ACTR3: variants seen among roughly 807,000 people sequenced by gnomAD.
The protein encoded by ACTR3 is actin-related protein 3.
A neutral mutation model predicts 56.8 loss-of-function variants in ACTR3; 12 were observed. The ratio of observed to expected loss-of-function variants is 0.21; its 90% CI spans 0.14 to 0.34. The LOEUF (loss-of-function observed/expected upper bound fraction) is 0.34, where lower values mean the gene tolerates loss of function less well. Ranked by LOEUF, ACTR3 falls within the 10% of genes least tolerant of loss-of-function variation. The probability of loss-of-function intolerance (pLI) is 1.00; values close to 1 mark genes in which losing one functional copy is unlikely to be tolerated. For synonymous variants in ACTR3, 162 were observed against 167.4 expected, an observed-to-expected ratio of 0.97 and a Z score of 0.25; for missense variants, 282 against 512.5, an observed-to-expected ratio of 0.55 and a Z score of 4.34.
intron 1 of ACTR3, among the ~76,000 whole-genome samples, chr2:113,897,088 TAGAC>T (rs912742226): frequency 8.5e-5 from 13 of 152,308 alleles, no homozygotes; most frequent in African/African-American, 2.9e-4. Flanking sequence ...TAATCAGTGA[TAGAC>T]AGTAGCATAA....
At chr2:113,947,992 C>T (rs1245160829) in intron 8 of ACTR3, among the ~76,000 whole-genome samples, 2 of 152,074 alleles carry the variant, frequency 1.3e-5, no homozygotes, top group East Asian at 3.9e-4. Flanking sequence ...AAGTCTTGGT[C>T]TGCGTATCCT....
At chr2:113,923,586 C>T (rs552686141) in intron 3 of ACTR3, among the ~76,000 whole-genome samples, 2 of 152,214 alleles carry the variant, frequency 1.3e-5, no homozygotes, top group African/African-American at 2.4e-5. Flanking sequence ...CTGCCTGCCT[C>T]GGCCTCCCAA....
At chr2:113,949,610 G>A (rs1680085288) in intron 8 of ACTR3, among the ~76,000 whole-genome samples, 1 of 152,010 alleles carries the variant, frequency 6.6e-6, no homozygotes, top group Non-Finnish European at 1.5e-5. Flanking sequence ...CACCCAGGCT[G>A]GAGTGCAGTG....
intron 1 of ACTR3, among the ~76,000 whole-genome samples, chr2:113,909,214 CTGT>C (rs1679257852): frequency 3.3e-5 from 5 of 152,048 alleles, no homozygotes; most frequent in African/African-American, 1.2e-4. Flanking sequence ...CAATTGGATA[CTGT>C]ATGCATTTAT....
intron 1 of ACTR3, among the ~76,000 whole-genome samples, chr2:113,912,797 A>AT (rs1377471580): frequency 1.3e-5 from 2 of 152,154 alleles, no homozygotes; most frequent in East Asian, 1.9e-4. Flanking sequence ...TCCTCATTCT[A>AT]TTTTTTGTAG....
chr2:113,907,971 TCC>T (rs34989911), intron 1 of ACTR3, among the ~76,000 whole-genome samples: 9 of 69,278 alleles, frequency 1.3e-4, no homozygotes, highest in African/African-American at 4.8e-4. Flanking sequence ...CAAAACTCTG[TCC>T]CCCAAAAAAA....
At chr2:113,940,725 C>A (rs1354221975) in intron 7 of ACTR3, among the ~76,000 whole-genome samples, 1 of 150,148 alleles carries the variant, frequency 6.7e-6, no homozygotes, top group Non-Finnish European at 1.5e-5. Flanking sequence ...GCAGAACTGC[C>A]ATGGCAAAAG....
chr2:113,929,196 G>A (rs1442369294), intron 4 of ACTR3, among the ~76,000 whole-genome samples: 1 of 151,440 alleles, frequency 6.6e-6, no homozygotes, highest in Admixed American at 6.6e-5. Flanking sequence ...AGGCTGGAAT[G>A]CAGTGGATCA....
intron 2 of ACTR3, 96 bp from the exon 3 acceptor site, chr2:113,916,788 T>C: frequency 9.6e-7 from 1 of 1,038,670 alleles, no homozygotes; most frequent in Non-Finnish European, 1.3e-6. Context: ...AGGTCATGTT[T>C]TACTTTGTAG....
chr2:113,916,643 A>G (rs1679410104), intron 2 of ACTR3, among the ~76,000 whole-genome samples: 1 of 152,144 alleles, frequency 6.6e-6, no homozygotes, highest in Non-Finnish European at 1.5e-5. Flanking sequence ...AAACTTTCCC[A>G]CAGATGTTGT....
chr2:113,951,859 A>G lies in ACTR3; in HGVS notation c.1077+14A>G, dbSNP rs778616192. On this transcript the variant is annotated intron_variant, in intron 10 of 11. Transcript: ENST00000263238. ...GGTAGATTGAAGGTTGGTTTTCCCA[A>G]TTATTGGTGAGAAGGTTGAGGGTGC... 8.7e-6 allele frequency: 14 copies of G among 1,612,764 alleles called. No homozygotes were observed. Among genetic ancestry groups the G allele is most frequent in the African/African-American group, 2.7e-5 (2 of 75,004 alleles).
intron 1 of ACTR3, among the ~76,000 whole-genome samples, chr2:113,896,878 T>G (rs1004095934): frequency 6.6e-6 from 1 of 152,244 alleles, no homozygotes; most frequent in African/African-American, 2.4e-5. Context: ...TAGCTCTAGC[T>G]AAATTTCCCT....
intron 1 of ACTR3, among the ~76,000 whole-genome samples, chr2:113,907,833 A>C (rs1367638571): frequency 6.6e-6 from 1 of 151,824 alleles, no homozygotes; most frequent in Non-Finnish European, 1.5e-5. Flanking sequence ...TTGGCCAGGC[A>C]TGGTGGCGCA....
In ACTR3 at chr2:113,961,319, A is replaced by G. The variant is rs1680321099; in HGVS notation, c.*3864A>G. Reference sequence around the variant, plus strand: ...TGGGTGCTGAAATTAAATATAACCTATTTGAGTTAAGGATTTATTACTAGT... The same window carrying G: ...TGGGTGCTGAAATTAAATATAACCTGTTTGAGTTAAGGATTTATTACTAGT... On this transcript the variant is annotated 3_prime_UTR_variant, in exon 12 of 12. Coordinates refer to ENST00000263238, the MANE Select transcript of ACTR3 (RefSeq NM_005721.5). 2 of 151,936 alleles carry G rather than the reference A, an allele frequency of 1.3e-5. No individual in the cohort carries two copies. Among genetic ancestry groups the G allele is most frequent in the African/African-American group, 2.4e-5 (1 of 41,418 alleles). 9.4% of individuals were successfully genotyped at this position (151,936 alleles called of 1,614,324 possible).
chr2:113,931,433 A>AT (rs1679721529), intron 5 of ACTR3, 37 bp downstream of exon 5: 1 of 1,396,968 alleles, frequency 7.2e-7, no homozygotes, highest in Non-Finnish European at 9.7e-7. Flanking sequence ...TGATTCTTAC[A>AT]TTTTAACCTA....
intron 1 of ACTR3, among the ~76,000 whole-genome samples, chr2:113,895,450 A>G (rs1347131512): frequency 6.6e-6 from 1 of 152,116 alleles, no homozygotes; most frequent in Admixed American, 6.5e-5. Flanking sequence ...TGAATGAACA[A>G]GAATTAGGAG....
At chr2:113,951,954 A>C in intron 10 of ACTR3, 109 bp downstream of exon 10, 1 of 1,380,518 alleles carries the variant, frequency 7.2e-7, no homozygotes, top group Admixed American at 2.0e-5. Flanking sequence ...GGAACCTGTC[A>C]GGTATTCTAA....
chr2:113,894,366 T>TA (rs1312954753), intron 1 of ACTR3, among the ~76,000 whole-genome samples: 1 of 152,210 alleles, frequency 6.6e-6, no homozygotes, highest in Non-Finnish European at 1.5e-5. Context: ...GTGCTGGGAT[T>TA]ACAGACATGA....
At chr2:113,934,220 CT>C in intron 5 of ACTR3, 58 bp from the exon 6 acceptor site, 1 of 1,094,792 alleles carries the variant, frequency 9.1e-7, no homozygotes, top group Non-Finnish European at 1.3e-6. Context: ...TCGATTAACT[CT>C]TTGTTTTTTT....
Sources: gnomAD v4.1 joint callset for allele counts (sites outside exome capture counted in the v4.1 genomes callset) on GRCh38, gnomAD v4.1.1 for gene constraint, MANE v1.5 for transcripts, NCBI Gene and HGNC (gene_info 2026-07-23, HGNC 2026-07-21) for gene names.